The following TOP2B variants were observed in gnomAD, a reference collection of about 807,000 sequenced individuals.
The protein encoded by TOP2B is DNA topoisomerase 2-beta.
A neutral mutation model predicts 193.5 loss-of-function variants in TOP2B; 51 were observed. The ratio of observed to expected loss-of-function variants is 0.26; its 90% confidence interval spans 0.21 to 0.33. The LOEUF is 0.33. Among genes scored for constraint, TOP2B ranks in the 10% least tolerant of loss-of-function variants. The pLI, the probability that TOP2B is intolerant of heterozygous loss-of-function variation, is 1.00. For missense variants in TOP2B, 1,378 were observed against 1,909.3 expected (o/e 0.72, Z 5.19); for synonymous variants, 634 against 635.7 (o/e 1.00, Z 0.04).
rs1263810161 is a variant in TOP2B at position 25,615,215 on chromosome 3, T to A, written c.3581A>T (p.Glu1194Val). The change falls in exon 27 of 36, where the codon GAA becomes GTA. Residue 1194 changes from glutamate to valine, a missense_variant. Coordinates refer to ENST00000264331, the MANE Select transcript of TOP2B (RefSeq NM_001330700.2). The stretch of plus-strand genomic sequence containing the variant: ...AGAGACTTAACCTACATCCAGTTCT[T>A]CAACAAATGCCGCTAAATCCTCTTT... ...LWKEDLAAFV[E>V]ELDKVESQER... 6.2e-7 allele frequency: 1 copy of A among 1,612,056 alleles called. No homozygotes were observed. The highest frequency in any genetic ancestry group is 1.3e-5 in the African/African-American group (1 of 74,848).
intron 8 of TOP2B, among the ~76,000 whole-genome samples, chr3:25,633,453 T>G (rs1703017528): frequency 6.6e-6 from 1 of 152,116 alleles, no homozygotes; most frequent in African/African-American, 2.4e-5. Context: ...TTCTGTGAAC[T>G]CCATTGTTCA....
chr3:25,638,101 G>GT, intron 5 of TOP2B, 64 bp downstream of exon 5: 1 of 1,404,522 alleles, frequency 7.1e-7, no homozygotes, highest in Non-Finnish European at 9.7e-7. Context: ...AATTTCCTTA[G>GT]TAAGTTATAC....
At chr3:25,659,941 C>G (rs1241280258) in intron 1 of TOP2B, among the ~76,000 whole-genome samples, 6 of 152,166 alleles carry the variant, frequency 3.9e-5, no homozygotes, top group Non-Finnish European at 8.8e-5. Context: ...TCCTTCTCTG[C>G]AAATAGGAAT....
At chr3:25,655,703 A>G (rs1032158770) in intron 1 of TOP2B, among the ~76,000 whole-genome samples, 11 of 152,246 alleles carry the variant, frequency 7.2e-5, no homozygotes, top group Non-Finnish European at 1.3e-4. Flanking sequence ...GCAGCCTCAA[A>G]AAACATGGAA....
chr3:25,626,363 G>T (rs1702800912), intron 18 of TOP2B, among the ~76,000 whole-genome samples, 197 bp downstream of exon 18: 1 of 151,742 alleles, frequency 6.6e-6, no homozygotes, highest in South Asian at 2.1e-4. Context: ...TCAAATTAAG[G>T]AATATTAAAG....
At chr3:25,637,628 C>G (rs550660174) in intron 5 of TOP2B, among the ~76,000 whole-genome samples, 2 of 152,092 alleles carry the variant, frequency 1.3e-5, no homozygotes, top group South Asian at 4.1e-4. Flanking sequence ...AACTTTCTCT[C>G]AAACTTGCTT....
intron 28 of TOP2B, 116 bp downstream of exon 28, chr3:25,612,399 T>C (rs148283263): frequency 2.2e-4 from 165 of 746,080 alleles, no homozygotes; most frequent in South Asian, 1.2e-3. Context: ...CCTATTACCA[T>C]TGAAATATAT....
chr3:25,600,516 A>G (rs1473924180), intron 34 of TOP2B, among the ~76,000 whole-genome samples: 1 of 152,250 alleles, frequency 6.6e-6, no homozygotes, highest in East Asian at 1.9e-4. Flanking sequence ...GAAATATAAG[A>G]AACACACTGA....
intron 25 of TOP2B, 45 bp from the exon 26 acceptor site, chr3:25,615,631 A>C: frequency 7.5e-7 from 1 of 1,332,534 alleles, no homozygotes; most frequent in East Asian, 2.8e-5. Flanking sequence ...GTATAGTATC[A>C]AATTAATGTT....
chr3:25,664,477 C>T lies in TOP2B; in HGVS notation c.-180G>A, dbSNP rs894373124. On this transcript the variant is annotated 5_prime_UTR_variant, in exon 1 of 36. Transcript: ENST00000264331. Reference sequence around the variant, plus strand: ...CGTCCAGCCGAGCCCGCTGAGGAGGCCGCGCCGCCGGCTGCCCTCAAACTC... The same window carrying T: ...CGTCCAGCCGAGCCCGCTGAGGAGGTCGCGCCGCCGGCTGCCCTCAAACTC... The T allele has an allele frequency of 6.7e-6, 8 of 1,201,290 alleles. No homozygotes were observed. The highest frequency in any genetic ancestry group is 1.6e-5 in the African/African-American group (1 of 62,728). The allele number at this position is 1,201,290 out of a possible 1,614,324, so 74.4% of individuals were successfully genotyped here.
chr3:25,641,791 G>C (rs960811723), intron 4 of TOP2B, among the ~76,000 whole-genome samples: 1 of 151,986 alleles, frequency 6.6e-6, no homozygotes, highest in African/African-American at 2.4e-5. Context: ...AGGCATGCTG[G>C]TAAAAACAGG....
chr3:25,628,813 A>C, intron 15 of TOP2B, 34 bp downstream of exon 15: 3 of 1,229,934 alleles, frequency 2.4e-6, no homozygotes, highest in Non-Finnish European at 3.4e-6. Context: ...CATTTATATC[A>C]GTATTTAAAA....
intron 1 of TOP2B, among the ~76,000 whole-genome samples, chr3:25,661,181 T>C (rs951163905): frequency 1.3e-5 from 2 of 152,108 alleles, no homozygotes; most frequent in Non-Finnish European, 2.9e-5. Context: ...GTATTTTTAG[T>C]AGAGATGGGG....
At chr3:25,619,169 A>G (rs1258180996) in intron 23 of TOP2B, among the ~76,000 whole-genome samples, 1 of 152,158 alleles carries the variant, frequency 6.6e-6, no homozygotes, top group East Asian at 1.9e-4. Flanking sequence ...TTTTTCCCCA[A>G]ACTGAAAACA....
intron 11 of TOP2B, 115 bp from the exon 12 acceptor site, chr3:25,630,584 T>C: frequency 1.1e-6 from 1 of 916,096 alleles, no homozygotes; most frequent in Non-Finnish European, 1.6e-6. Flanking sequence ...ATAAAAGTTA[T>C]TTTACATTAT....
At chr3:25,637,790 CAG>C (rs1703145270) in intron 5 of TOP2B, among the ~76,000 whole-genome samples, 1 of 151,982 alleles carries the variant, frequency 6.6e-6, no homozygotes, top group African/African-American at 2.4e-5. Context: ...ACTCTATTTA[CAG>C]AGTCTAGATT....
intron 1 of TOP2B, among the ~76,000 whole-genome samples, chr3:25,648,596 C>A (rs1703480396): frequency 6.6e-6 from 1 of 152,212 alleles, no homozygotes; most frequent in South Asian, 2.1e-4. Context: ...GTGGCTCACA[C>A]CTGTAATCCC....
At chr3:25,602,418 A>AAAAAAAG (rs1702124335) in intron 33 of TOP2B, among the ~76,000 whole-genome samples, 2 of 105,040 alleles carry the variant, frequency 1.9e-5, no homozygotes, top group Non-Finnish European at 1.9e-5. Context: ...AAGAAAAAGA[A>AAAAAAAG]AAAAAAAAAA....
In TOP2B at chr3:25,628,869, G is replaced by A; in HGVS notation, c.1884C>T (p.Ala628=). The A allele has an allele frequency of 6.3e-7, 1 of 1,577,850 alleles. No homozygotes were observed. Among genetic ancestry groups the A allele is most frequent in the Non-Finnish European group, 8.6e-7 (1 of 1,162,342 alleles). ...AACCTTTATAGTACTTTATTTTCCAGGCTTTCTGGTTTTCTATATGTTTTT... is the reference window on the plus strand; with the variant it reads ...AACCTTTATAGTACTTTATTTTCCAAGCTTTCTGGTTTTCTATATGTTTTT... The part of the protein sequence containing the change: ...EWKKHIENQK[A]WKIKYYKGLG... Residue 628 remains alanine (A), a synonymous_variant, in exon 15 of 36, where the codon GCC becomes GCT. Transcript: ENST00000264331.
Sources: gnomAD v4.1 joint callset for allele counts (sites outside exome capture counted in the v4.1 genomes callset) on GRCh38, gnomAD v4.1.1 for gene constraint, MANE v1.5 for transcripts, NCBI Gene and HGNC (gene_info 2026-07-23, HGNC 2026-07-21) for gene names.